SLC25A25: variants seen among roughly 807,000 people sequenced by gnomAD.
SLC25A25 encodes the protein solute carrier family 25 member 25, also known as mitochondrial adenyl nucleotide antiporter SLC25A25.
SLC25A25 carries 32 observed loss-of-function variants against 57.7 expected under a neutral mutation model. That is an observed-to-expected ratio of 0.55 (90% CI 0.42 to 0.74). The LOEUF (loss-of-function observed/expected upper bound fraction) is 0.74, where lower values mean the gene tolerates loss of function less well. Among genes scored for constraint, SLC25A25 ranks in the 30% least tolerant of loss-of-function variants. The pLI, the probability that SLC25A25 is intolerant of heterozygous loss-of-function variation, is 0.00. For missense variants in SLC25A25, 556 were observed against 701.3 expected (o/e 0.79, Z 2.34); for synonymous variants, 306 against 291.2 (o/e 1.05, Z -0.52).
chr9:128,097,034 T>C (rs1330981397), intron 1 of SLC25A25, among the ~76,000 whole-genome samples: 1 of 152,268 alleles, frequency 6.6e-6, no homozygotes, highest in Non-Finnish European at 1.5e-5. Flanking sequence ...AGTATCAACA[T>C]CTTGTAACAC....
chr9:128,093,235 A>G (rs1471732982), intron 1 of SLC25A25, among the ~76,000 whole-genome samples: 1 of 151,912 alleles, frequency 6.6e-6, no homozygotes, highest in African/African-American at 2.4e-5. Context: ...GGTCTCTCAG[A>G]GACTGTTATG....
intron 1 of SLC25A25, among the ~76,000 whole-genome samples, chr9:128,077,771 A>G (rs1833051252): frequency 6.6e-6 from 1 of 151,256 alleles, no homozygotes; most frequent in Non-Finnish European, 1.5e-5. Context: ...TATACTTTAA[A>G]TGGGTGGCTC....
intron 1 of SLC25A25, among the ~76,000 whole-genome samples, chr9:128,080,087 C>T (rs1303913471): frequency 4.0e-5 from 6 of 151,458 alleles, no homozygotes; most frequent in Non-Finnish European, 7.4e-5. Flanking sequence ...CAGGAGGGGC[C>T]GGGCATGGTG....
chr9:128,102,137 G>T lies in SLC25A25; in HGVS notation c.512+22G>T. On this transcript the variant is annotated intron_variant, in intron 4 of 10. Transcript: ENST00000373069. This position sits in a 1 kb window ranked among gnomAD's most constrained non-coding sequence, Gnocchi z 4.1. ...CCTAGTAAGTATCCATGTCGCTCAT[G>T]ACTGCCTCCCTTGACTTCCATGCCT... The T allele has an allele frequency of 6.4e-7, 1 of 1,550,540 alleles. No homozygotes were observed. Among genetic ancestry groups the T allele is most frequent in the Non-Finnish European group, 8.7e-7 (1 of 1,146,950 alleles).
At chr9:128,070,064 T>C (rs1435599345) in intron 1 of SLC25A25, among the ~76,000 whole-genome samples, 2 of 116,792 alleles carry the variant, frequency 1.7e-5, no homozygotes, top group South Asian at 3.1e-4. Context: ...ATTACAGGCA[T>C]GTGCCACCAC....
chr9:128,105,693 C>G, intron 6 of SLC25A25, 36 bp from the exon 7 acceptor site: 1 of 1,611,526 alleles, frequency 6.2e-7, no homozygotes, highest in Non-Finnish European at 8.5e-7. Context: ...CCTGTGGCCC[C>G]CCGGGTCCGT....
At chr9:128,071,414 A>G (rs1039680512) in intron 1 of SLC25A25, among the ~76,000 whole-genome samples, 1 of 151,868 alleles carries the variant, frequency 6.6e-6, no homozygotes, top group African/African-American at 2.4e-5. Context: ...TATTATTATT[A>G]TTACTTTTCT....
intron 1 of SLC25A25, chr9:128,098,362 C>A: frequency 5.1e-6 from 5 of 974,402 alleles, no homozygotes; most frequent in Non-Finnish European, 7.0e-6. Context: ...GCCACCTTCT[C>A]CCCCGGGCTC....
In SLC25A25 at chr9:128,107,544, C is replaced by T. The variant is rs561255124; in HGVS notation, c.*100C>T. 80 of 1,391,826 alleles carry T rather than the reference C, an allele frequency of 5.7e-5. No homozygotes were observed. Among genetic ancestry groups the T allele is most frequent in the Non-Finnish European group, 7.1e-5 (75 of 1,050,250 alleles). 86.2% of individuals were successfully genotyped at this position (1,391,826 alleles called of 1,614,324 possible). ...TGAATGTGCCAACACTAAGCTGTCT[C>T]GAGCCAAGCTGTGAAAACCCTAGAC... On this transcript the variant is annotated 3_prime_UTR_variant, in exon 11 of 11. Transcript: ENST00000373069.
chr9:128,102,819 T>TC lies in SLC25A25; in HGVS notation c.624+344dup, dbSNP rs1242448612. On this transcript the variant is annotated intron_variant, in intron 5 of 10. Transcript: ENST00000373069. The surrounding 1 kb of genome is among the most constrained non-coding windows in gnomAD (Gnocchi z 4.1). ...GTTCTCCCAAAGCTGGTATGAGCCT[T>TC]CCCCCCGGTGGGAGGGGGCTGGGGC... 4.6e-5 allele frequency among the ~76,000 whole-genome samples: 7 copies of TC among 152,070 alleles called. No individual in the cohort carries two copies. Among genetic ancestry groups the TC allele is most frequent in the South Asian group, 4.2e-4 (2 of 4,816 alleles).
At chr9:128,104,831 A>ATTATTATT in intron 6 of SLC25A25, among the ~76,000 whole-genome samples, 2 of 144,570 alleles carry the variant, frequency 1.4e-5, no homozygotes, top group South Asian at 4.4e-4. Context: ...GATTTTTAAA[A>ATTATTATT]ATTATTATTA....
At position 128,102,096 on chromosome 9, in the gene SLC25A25, T is replaced by C; in HGVS notation, c.493T>C (p.Phe165Leu). 1 of 1,550,624 alleles carries C rather than the reference T, an allele frequency of 6.4e-7. No homozygotes were observed. The highest frequency in any genetic ancestry group is 8.7e-7 in the Non-Finnish European group (1 of 1,146,980). ...GTCTGTCAGAATACGAACGGGCCAT[T>C]TCTGGGGCCCTGTCACCTAGTAAGT... ...KILKRIRTGHFWGPVTYMDKN... is the reference protein window; with the variant it reads ...KILKRIRTGHLWGPVTYMDKN... The change falls in exon 4 of 11, where the codon TTC (phenylalanine) becomes CTC (leucine). Residue 165 changes from phenylalanine to leucine, a missense_variant. Phe to Leu is a conservative substitution (Grantham distance 22). Around this residue, in one of 3 missense-constraint regions of SLC25A25, gnomAD observed 248 missense variants for 273.5 expected, o/e 0.91. Transcript: ENST00000373069. This position sits in a 1 kb window ranked among gnomAD's most constrained non-coding sequence, Gnocchi z 4.1.
rs748311616 is a variant in SLC25A25, at chr9:128,107,405, C to T, written c.1509C>T (p.Tyr503=). The T allele has an allele frequency of 1.7e-5, 26 of 1,509,022 alleles. No homozygotes were observed. Among genetic ancestry groups the T allele is most frequent in the South Asian group, 2.7e-5 (2 of 74,526 alleles). The allele number at this position is 1,509,022 out of a possible 1,614,324, so 93.5% of individuals were successfully genotyped here. The change falls in exon 11 of 11, where the codon TAC becomes TAT. Residue 503 remains tyrosine, a synonymous_variant. Transcript: ENST00000373069. ...CTGTGAGCATCAGCTACGTGGTCTA[C>T]GAGAACCTGAAGATCACCCTGGGCG... ...IPAVSISYVV[Y]ENLKITLGVQ...
chr9:128,091,966 C>T lies in SLC25A25; in HGVS notation c.262-9130C>T, dbSNP rs1833421052. On this transcript the variant is annotated intron_variant, in intron 1 of 10. Coordinates refer to ENST00000373069, the MANE Select transcript of SLC25A25 (RefSeq NM_001330988.2). ...GGGACGATCGTGAAGTCAGAGGCAC[C>T]CCAGCCCCTGCCTGGAGAGACCAGA... 4 of 1,613,972 alleles carry T rather than the reference C, an allele frequency of 2.5e-6. No homozygotes were observed. The East Asian group carries it at 8.9e-5, about 36-fold the overall frequency.
chr9:128,091,630 C>T lies in SLC25A25; in HGVS notation c.262-9466C>T, dbSNP rs528616553. ...GTTTTTATTGAAGAAGCTCCAGCTG[C>T]TTTCTCCTTATTGCCGGCAGCCTGG... is the stretch of plus-strand genomic sequence containing the variant. On this transcript the variant is annotated intron_variant, in intron 1 of 10. Coordinates refer to ENST00000373069, the MANE Select transcript of SLC25A25 (RefSeq NM_001330988.2). 88 of 1,182,908 alleles carry T rather than the reference C, an allele frequency of 7.4e-5. No individual in the cohort carries two copies. In the African/African-American group the frequency reaches 1.3e-3, roughly 18 times the overall value. The allele number at this position is 1,182,908 out of a possible 1,614,324, so 73.3% of individuals were successfully genotyped here.
Position 128,095,099 on chromosome 9 carries a change from C to A in SLC25A25, c.262-5997C>A, listed in dbSNP as rs759945362. Among the ~76,000 whole-genome samples the A allele has an allele frequency of 1.3e-5, 2 of 152,242 alleles. No homozygotes were observed. The highest frequency in any genetic ancestry group is 2.9e-5 in the Non-Finnish European group (2 of 68,044). ...GCTTTAGTTCCTCCATAATCTAGTT[C>A]TCACAGAGGCATTCAGAAGCTGTGA... On this transcript the variant is annotated intron_variant, in intron 1 of 10. Transcript: ENST00000373069. The surrounding 1 kb of genome is among the most constrained non-coding windows in gnomAD (Gnocchi z 4.4).
chr9:128,073,333 T>C (rs1282205473), intron 1 of SLC25A25, among the ~76,000 whole-genome samples: 1 of 152,128 alleles, frequency 6.6e-6, no homozygotes, highest in African/African-American at 2.4e-5. Context: ...GGTTTCAAGA[T>C]TATCCAGTTT....
Position 128,102,932 on chromosome 9 carries a change from T to A in SLC25A25, c.624+451T>A, listed in dbSNP as rs1833869543. 6.6e-6 allele frequency among the ~76,000 whole-genome samples: 1 copy of A among 152,146 alleles called. No individual in the cohort carries two copies. The highest frequency in any genetic ancestry group is 1.5e-5 in the Non-Finnish European group (1 of 68,004). On this transcript the variant is annotated intron_variant, in intron 5 of 10. Transcript: ENST00000373069. This position sits in a 1 kb window ranked among gnomAD's most constrained non-coding sequence, Gnocchi z 4.1. The stretch of plus-strand genomic sequence containing the variant: ...GCTGCCCTCTCGCCCCCGTCCACTG[T>A]GGTTTCATGTTCAGAAATGTGAGTC...
intron 1 of SLC25A25, among the ~76,000 whole-genome samples, chr9:128,069,783 G>C (rs1268911866): frequency 3.3e-5 from 5 of 152,160 alleles, no homozygotes; most frequent in African/African-American, 4.8e-5. Context: ...ACGGAGTCTG[G>C]TTCTGTCTCC....
Sources: gnomAD v4.1 joint callset for allele counts (sites outside exome capture counted in the v4.1 genomes callset) on GRCh38, gnomAD v4.1.1 for gene constraint, gnomAD v4.1.1 regional missense constraint, Gnocchi (gnomAD v3.1) non-coding constraint, MANE v1.5 for transcripts, NCBI Gene and HGNC (gene_info 2026-07-23, HGNC 2026-07-21) for gene names.